Variants in KALRN observed in about 807,000 individuals in gnomAD.
The protein encoded by KALRN is kalirin.
Under a neutral mutation model 353.7 loss-of-function variants are expected in KALRN, and 70 were observed. The observed-to-expected ratio is 0.20, with a 90% CI of 0.16 to 0.24. The LOEUF (loss-of-function observed/expected upper bound fraction) is 0.24. Among genes scored for constraint, KALRN ranks in the 10% least tolerant of loss-of-function variants. KALRN has a pLI of 1.00. For synonymous variants in KALRN, 1,391 were observed against 1,434.8 expected, an observed-to-expected ratio of 0.97 and a Z score of 0.69; for missense variants, 2,791 against 3,756.7, an observed-to-expected ratio of 0.74 and a Z score of 6.72.
At chr3:124,587,443 C>T (rs1373728932) in intron 34 of KALRN, among the ~76,000 whole-genome samples, 1 of 152,118 alleles carries the variant, frequency 6.6e-6, no homozygotes, top group Admixed American at 6.5e-5. Context: ...AGTAAAAGAA[C>T]CAAGAGGAAG....
intron 33 of KALRN, chr3:124,518,729 G>A (rs1201614218): frequency 4.3e-6 from 6 of 1,394,474 alleles, no homozygotes; most frequent in Middle Eastern, 2.7e-4. Flanking sequence ...TGGGGCAGTA[G>A]GGACCTGTGA....
At chr3:124,137,813 G>A (rs200167671) in intron 1 of KALRN, among the ~76,000 whole-genome samples, 5 of 152,250 alleles carry the variant, frequency 3.3e-5, no homozygotes, top group East Asian at 3.9e-4. Flanking sequence ...GGTGTGGGTC[G>A]GATGCAGGGA....
At position 124,702,023 on chromosome 3, in the gene KALRN, C is replaced by A. The variant is rs777329705; in HGVS notation, c.7997-15C>A. ...ACATCCTCGATATTGTAAATGGATTCTCTTTCTTCCGAAGATGCTGCTGCT... is the reference window on the plus strand; with the variant it reads ...ACATCCTCGATATTGTAAATGGATTATCTTTCTTCCGAAGATGCTGCTGCT... On this transcript the variant is annotated splice_polypyrimidine_tract_variant and intron_variant, in intron 56 of 59. Transcript: ENST00000682506. 3 of 1,607,094 alleles carry A rather than the reference C, an allele frequency of 1.9e-6. No individual in the cohort carries two copies. The Admixed American group carries it at 5.0e-5, about 27-fold the overall frequency.
chr3:124,701,256 G>A (rs1237931045), intron 56 of KALRN, among the ~76,000 whole-genome samples: 2 of 152,170 alleles, frequency 1.3e-5, no homozygotes, highest in Non-Finnish European at 2.9e-5. Context: ...ATCACACAAG[G>A]TAATACTGCC....
At chr3:124,199,397 C>G (rs182588666) in intron 1 of KALRN, among the ~76,000 whole-genome samples, 1 of 152,310 alleles carries the variant, frequency 6.6e-6, no homozygotes, top group East Asian at 1.9e-4. Flanking sequence ...TTGTGTTGAA[C>G]AGCCCACATT....
At chr3:124,510,975 T>C (rs2065838037) in intron 33 of KALRN, among the ~76,000 whole-genome samples, 1 of 152,140 alleles carries the variant, frequency 6.6e-6, no homozygotes, top group African/African-American at 2.4e-5. Flanking sequence ...GAGTACCTAC[T>C]AGGTGCTAAG....
intron 28 of KALRN, among the ~76,000 whole-genome samples, chr3:124,486,949 C>T (rs1248458677): frequency 1.3e-5 from 2 of 152,140 alleles, no homozygotes; most frequent in Admixed American, 1.3e-4. Context: ...CAGATTTATC[C>T]TATTAAAAGC....
intron 21 of KALRN, among the ~76,000 whole-genome samples, chr3:124,450,902 G>A (rs1230007337): frequency 6.6e-6 from 1 of 152,038 alleles, no homozygotes; most frequent in Non-Finnish European, 1.5e-5. Flanking sequence ...CATATGTGAT[G>A]GAAAGTTTTG....
intron 1 of KALRN, among the ~76,000 whole-genome samples, chr3:124,142,079 C>T (rs1479848803): frequency 6.6e-6 from 1 of 152,202 alleles, no homozygotes; most frequent in Non-Finnish European, 1.5e-5. Flanking sequence ...CCTCCATTCT[C>T]AATTCCTCCT....
At chr3:124,649,514 C>T (rs1297822909) in intron 37 of KALRN, among the ~76,000 whole-genome samples, 2 of 152,150 alleles carry the variant, frequency 1.3e-5, no homozygotes, top group African/African-American at 4.8e-5. Context: ...TGTCTCACAC[C>T]TGTAATCCCA....
chr3:124,399,609 G>A (rs1249727251), intron 13 of KALRN, among the ~76,000 whole-genome samples: 1 of 152,194 alleles, frequency 6.6e-6, no homozygotes, highest in Non-Finnish European at 1.5e-5. Context: ...TAAATCATGC[G>A]TTAGATTCAA....
intron 1 of KALRN, among the ~76,000 whole-genome samples, chr3:124,172,440 T>C (rs1032435133): frequency 2.0e-5 from 3 of 152,162 alleles, no homozygotes; most frequent in African/African-American, 7.2e-5. Context: ...AAGTACTGGA[T>C]GGAATAGCCA....
At chr3:124,632,006 C>T (rs985740866) in intron 34 of KALRN, among the ~76,000 whole-genome samples, 2 of 152,262 alleles carry the variant, frequency 1.3e-5, no homozygotes, top group Non-Finnish European at 2.9e-5. Flanking sequence ...GCCCTGATCA[C>T]CTCTTCAATC....
At chr3:124,368,105 T>A in intron 10 of KALRN, among the ~76,000 whole-genome samples, 1 of 32,220 alleles carries the variant, frequency 3.1e-5, no homozygotes, top group Non-Finnish European at 5.7e-5. Flanking sequence ...CCCCCCCACC[T>A]CCCTCCCGGA....
chr3:124,697,770 C>T (rs1256068313), intron 55 of KALRN, 46 bp downstream of exon 55: 1 of 1,444,056 alleles, frequency 6.9e-7, no homozygotes, highest in African/African-American at 1.5e-5. Context: ...TCTTTTAAAA[C>T]ATTTATTTTT....
intron 1 of KALRN, among the ~76,000 whole-genome samples, chr3:124,104,197 T>C (rs1453578096): frequency 6.6e-6 from 1 of 152,170 alleles, no homozygotes; most frequent in Non-Finnish European, 1.5e-5. Context: ...GAGAAATAAT[T>C]GGGTCTGAAT....
chr3:124,411,637 G>A (rs1430652468), intron 13 of KALRN, among the ~76,000 whole-genome samples: 1 of 151,742 alleles, frequency 6.6e-6, no homozygotes, highest in African/African-American at 2.4e-5. Context: ...GGAGAGACAG[G>A]TTCTCACTGC....
chr3:124,188,385 A>G (rs1240119633), intron 1 of KALRN, among the ~76,000 whole-genome samples: 1 of 152,218 alleles, frequency 6.6e-6, no homozygotes, highest in Non-Finnish European at 1.5e-5. Flanking sequence ...TGGAGGAGAG[A>G]AGCTCTGTAG....
chr3:124,196,083 C>G (rs946808601), intron 1 of KALRN, among the ~76,000 whole-genome samples: 3 of 152,096 alleles, frequency 2.0e-5, no homozygotes, highest in African/African-American at 7.2e-5. Context: ...ATTGAGAACC[C>G]CTAGAATTGC....
Sources: gnomAD v4.1 joint callset for allele counts (sites outside exome capture counted in the v4.1 genomes callset) on GRCh38, gnomAD v4.1.1 for gene constraint, MANE v1.5 for transcripts, NCBI Gene and HGNC (gene_info 2026-07-23, HGNC 2026-07-21) for gene names.